Variants in ABCB10 observed in about 807,000 individuals in gnomAD.
ABCB10 encodes ATP-binding cassette sub-family B member 10, mitochondrial.
In ABCB10, 54 loss-of-function variants were observed where a neutral mutation model predicts 65.4. The observed-to-expected ratio is 0.83, with a 90% CI of 0.66 to 1.04. The LOEUF is 1.04. Among genes scored for constraint, ABCB10 ranks in the 50% least tolerant of loss-of-function variants. The pLI, the probability that ABCB10 is intolerant of heterozygous loss-of-function variation, is 0.00. For missense variants in ABCB10, 846 were observed against 976.6 expected (o/e 0.87, Z 1.78); for synonymous variants, 418 against 406.5 (o/e 1.03, Z -0.34).
In ABCB10 at chr1:229,558,345, C is replaced by A; in HGVS notation, c.308G>T (p.Gly103Val). The A allele has an allele frequency of 1.6e-6, 2 of 1,259,976 alleles. No homozygotes were observed. Among genetic ancestry groups the A allele is most frequent in the Non-Finnish European group, 2.0e-6 (2 of 991,650 alleles). 78.0% of individuals were successfully genotyped at this position (1,259,976 alleles called of 1,614,324 possible). The change falls in exon 1 of 13, where the codon GGG becomes GTG. Residue 103 changes from glycine to valine, a missense_variant. Transcript: ENST00000344517. ...AGGAGCGCCTGGCCCGGCAAAAGCC[C>A]CGCACCTGCAGCTGCCGGGGCCGCG... ...WARGPGSCRC[G>V]AFAGPGAPRL...
chr1:229,527,367 A>G, intron 8 of ABCB10, 59 bp from the exon 9 acceptor site: 1 of 1,460,604 alleles, frequency 6.8e-7, no homozygotes, highest in Non-Finnish European at 9.5e-7. Flanking sequence ...GATGACCAAC[A>G]CAGAAAGGAT....
At chr1:229,530,596 T>A (rs1204664273) in intron 7 of ABCB10, among the ~76,000 whole-genome samples, 188 bp from the exon 8 acceptor site, 8 of 152,204 alleles carry the variant, frequency 5.3e-5, no homozygotes, top group Non-Finnish European at 1.0e-4. Flanking sequence ...ACTCTGCACC[T>A]ACTATGTCCA....
At chr1:229,536,985 A>G (rs1320968480) in intron 6 of ABCB10, among the ~76,000 whole-genome samples, 1 of 152,120 alleles carries the variant, frequency 6.6e-6, no homozygotes, top group Non-Finnish European at 1.5e-5. Context: ...AAGTACTGAT[A>G]CCTGCTACAA....
intron 3 of ABCB10, among the ~76,000 whole-genome samples, chr1:229,543,820 T>C (rs1662906452): frequency 6.6e-6 from 1 of 152,172 alleles, no homozygotes; most frequent in Non-Finnish European, 1.5e-5. Flanking sequence ...TGTCCCACCC[T>C]GAGAAGACAA....
chr1:229,526,314 T>C (rs1662443926), intron 9 of ABCB10, among the ~76,000 whole-genome samples, 198 bp from the exon 10 acceptor site: 1 of 152,246 alleles, frequency 6.6e-6, no homozygotes, highest in South Asian at 2.1e-4. Flanking sequence ...GTAGGAACTT[T>C]GTAAATGTCA....
In ABCB10 at chr1:229,534,795, T is replaced by TG. The variant is rs1052482014; in HGVS notation, c.1340-3065dup. Among the ~76,000 whole-genome samples, 47 of 135,134 alleles carry TG rather than the reference T, an allele frequency of 3.5e-4. 1 individual carries two copies. Among genetic ancestry groups the TG allele is most frequent in the South Asian group, 2.1e-3 (9 of 4,256 alleles). 88.7% of individuals were successfully genotyped at this position (135,134 alleles called of 152,430 possible). A position where few individuals can be genotyped will look rare whatever the true frequency, so the allele number is the denominator to read the frequency against. On this transcript the variant is annotated intron_variant, in intron 6 of 12. Transcript: ENST00000344517. ...CTGAGGCTGGAGAATCGCTTGAACC[T>TG]GGGGGGGTGGAGGTTGCAGTGAGCC...
intron 3 of ABCB10, among the ~76,000 whole-genome samples, chr1:229,545,605 T>A (rs192926603): frequency 1.3e-5 from 2 of 152,228 alleles, no homozygotes; most frequent in Non-Finnish European, 2.9e-5. Flanking sequence ...AAAACTTGAG[T>A]ATGTCAAACT....
At chr1:229,537,758 C>G (rs115068148) in intron 6 of ABCB10, among the ~76,000 whole-genome samples, 2,919 of 152,312 alleles carry the variant, frequency 0.019, 87 homozygotes, top group African/African-American at 0.065. Context: ...CCACCACACT[C>G]CAGCTTGGGC....
At chr1:229,548,171 T>C (rs903041728) in intron 2 of ABCB10, among the ~76,000 whole-genome samples, 7 of 151,924 alleles carry the variant, frequency 4.6e-5, no homozygotes, top group Non-Finnish European at 1.0e-4. Context: ...CCAGCTAACT[T>C]ATTTTTATTT....
intron 12 of ABCB10, 121 bp downstream of exon 12, chr1:229,518,720 G>C (rs1298051759): frequency 8.8e-6 from 8 of 910,898 alleles, no homozygotes; most frequent in African/African-American, 1.7e-5. Flanking sequence ...TCACTTTAGA[G>C]TAAAGGGGGG....
intron 2 of ABCB10, 135 bp downstream of exon 2, chr1:229,549,099 T>A (rs1033415462): frequency 2.3e-6 from 2 of 874,172 alleles, no homozygotes; most frequent in Non-Finnish European, 3.7e-6. Context: ...TTGGACTCTA[T>A]CCCCACTTAA....
chr1:229,557,730 T>TAA (rs4148759), intron 1 of ABCB10, among the ~76,000 whole-genome samples: 5 of 146,450 alleles, frequency 3.4e-5, no homozygotes, highest in African/African-American at 1.2e-4. Flanking sequence ...TGTTTTTGGT[T>TAA]AAAAAAAAAA....
At chr1:229,523,557 G>A (rs1662364701) in intron 10 of ABCB10, among the ~76,000 whole-genome samples, 1 of 152,124 alleles carries the variant, frequency 6.6e-6, no homozygotes, top group South Asian at 2.1e-4. Context: ...CCTCTGATTG[G>A]TGAGGCTGTC....
At position 229,531,623 on chromosome 1, in the gene ABCB10, T is replaced by C. The variant is rs773279717; in HGVS notation, c.1435+13A>G. ...TTTGTTAATCCTAGCAAAGAAACAA[T>C]TTTCAGACCCACCGTTAAAAGGCAG... On this transcript the variant is annotated intron_variant, in intron 7 of 12. Coordinates refer to ENST00000344517, the MANE Select transcript of ABCB10 (RefSeq NM_012089.3). 26 of 1,612,876 alleles carry C rather than the reference T, an allele frequency of 1.6e-5. No individual in the cohort carries two copies. The Admixed American group carries it at 3.8e-4, about 24-fold the overall frequency.
chr1:229,558,703 A>T lies in ABCB10; in HGVS notation c.-51T>A. ...CAGCCCGCCGGCCAGGCGCGCGCAA[A>T]GCCCGAGGACCCTCCCGGCCCGGCC... On this transcript the variant is annotated 5_prime_UTR_variant, in exon 1 of 13. Transcript: ENST00000344517. 4 of 1,252,802 alleles carry T rather than the reference A, an allele frequency of 3.2e-6. No homozygotes were observed. Among genetic ancestry groups the T allele is most frequent in the Non-Finnish European group, 4.0e-6 (4 of 999,272 alleles). The allele number at this position is 1,252,802 out of a possible 1,614,324, so 77.6% of individuals were successfully genotyped here.
chr1:229,543,101 G>A (rs902135402), intron 3 of ABCB10, among the ~76,000 whole-genome samples: 1 of 143,680 alleles, frequency 7.0e-6, no homozygotes, highest in Non-Finnish European at 1.5e-5. Flanking sequence ...ACTGCACTCC[G>A]CCTGGGCAAC....
intron 8 of ABCB10, among the ~76,000 whole-genome samples, chr1:229,529,070 T>G (rs1182390669): frequency 6.6e-6 from 1 of 151,322 alleles, no homozygotes; most frequent in Non-Finnish European, 1.5e-5. Flanking sequence ...GGAGGGTGGA[T>G]CACGAGGTCA....
At chr1:229,555,518 T>C (rs957443016) in intron 1 of ABCB10, among the ~76,000 whole-genome samples, 1 of 152,266 alleles carries the variant, frequency 6.6e-6, no homozygotes, top group Non-Finnish European at 1.5e-5. Context: ...TATTTCATGG[T>C]AGACTGTGTT....
chr1:229,532,901 C>A (rs928546385), intron 6 of ABCB10, among the ~76,000 whole-genome samples: 13 of 152,192 alleles, frequency 8.5e-5, no homozygotes, highest in Non-Finnish European at 1.8e-4. Context: ...CAAAAAACAA[C>A]AACAACAAAA....
Sources: gnomAD v4.1 joint callset for allele counts (sites outside exome capture counted in the v4.1 genomes callset) on GRCh38, gnomAD v4.1.1 for gene constraint, MANE v1.5 for transcripts, NCBI Gene and HGNC (gene_info 2026-07-23, HGNC 2026-07-21) for gene names.